The following CAMTA1 variants were observed in gnomAD, a reference collection of about 807,000 sequenced individuals.
The protein encoded by CAMTA1 is calmodulin-binding transcription activator 1.
In CAMTA1, 27 loss-of-function variants were observed where a neutral mutation model predicts 170.9. The observed-to-expected ratio is 0.16, with a 90% confidence interval of 0.12 to 0.22. The LOEUF (loss-of-function observed/expected upper bound fraction) is 0.22, where lower values mean the gene tolerates loss of function less well. Ranked by LOEUF, CAMTA1 falls within the 10% of genes least tolerant of loss-of-function variation. CAMTA1 has a pLI of 1.00. For synonymous variants in CAMTA1, 833 were observed against 891.5 expected (o/e 0.93, Z 1.17); for missense variants, 1,619 against 2,217.2 (o/e 0.73, Z 5.42).
rs551973366 is a variant in CAMTA1, at chr1:6,786,366, A to G, written c.45+791A>G. On this transcript the variant is annotated intron_variant, in intron 1 of 22. Coordinates refer to ENST00000303635, the MANE Select transcript of CAMTA1 (RefSeq NM_015215.4). ...CCAGGAGGGTGGGGTCTCCGTTTCT[A>G]TGGCAAGTGAGGATCTCCACACTCC... Among the ~76,000 whole-genome samples the G allele has an allele frequency of 1.8e-4, 27 of 151,906 alleles. 1 individual carries two copies. In the South Asian group the frequency reaches 4.8e-3, roughly 27 times the overall value.
intron 5 of CAMTA1, among the ~76,000 whole-genome samples, chr1:7,253,527 G>A (rs534635125): frequency 1.3e-5 from 2 of 152,304 alleles, no homozygotes; most frequent in South Asian, 2.1e-4. Flanking sequence ...ACAGATGGGA[G>A]CCACACAATT....
intron 6 of CAMTA1, among the ~76,000 whole-genome samples, chr1:7,477,103 AG>A (rs1320831450): frequency 6.6e-6 from 1 of 152,186 alleles, no homozygotes; most frequent in Admixed American, 6.5e-5. Context: ...GCGGTGCCCC[AG>A]GTAGGAGGAA....
intron 5 of CAMTA1, among the ~76,000 whole-genome samples, chr1:7,283,291 A>G (rs1046391882): frequency 1.3e-5 from 2 of 151,974 alleles, no homozygotes; most frequent in Non-Finnish European, 2.9e-5. Context: ...ATGTCCTTGC[A>G]TATGCTTTGT....
intron 6 of CAMTA1, among the ~76,000 whole-genome samples, chr1:7,553,860 G>T (rs1204346813): frequency 6.6e-6 from 1 of 152,170 alleles, no homozygotes; most frequent in Non-Finnish European, 1.5e-5. Context: ...ATGATGCAGG[G>T]GCGTGAAATC....
intron 3 of CAMTA1, among the ~76,000 whole-genome samples, chr1:6,893,470 CT>C (rs992942518): frequency 6.6e-6 from 1 of 152,150 alleles, no homozygotes; most frequent in African/African-American, 2.4e-5. Context: ...AGTTGTGATG[CT>C]TTTAGGAAGT....
At chr1:7,529,478 CATT>C (rs1275963776) in intron 6 of CAMTA1, among the ~76,000 whole-genome samples, 1 of 152,190 alleles carries the variant, frequency 6.6e-6, no homozygotes, top group Non-Finnish European at 1.5e-5. Flanking sequence ...AGGTAGAAAA[CATT>C]GTTGTCACAG....
At chr1:7,519,082 A>G (rs1175429145) in intron 6 of CAMTA1, among the ~76,000 whole-genome samples, 1 of 152,090 alleles carries the variant, frequency 6.6e-6, no homozygotes. Flanking sequence ...GAAAAGGAAG[A>G]AAAAATGTTA....
At position 7,331,922 on chromosome 1, in the gene CAMTA1, C is replaced by T. The variant is rs552798069; in HGVS notation, c.438+82296C>T. Among the ~76,000 whole-genome samples, 12 of 152,294 alleles carry T rather than the reference C, an allele frequency of 7.9e-5. No homozygotes were observed. In the South Asian group the frequency reaches 2.5e-3, roughly 32 times the overall value. ...CTTTGTATTTTGACAGCAGGAGGCCCATGACAAACTATTTGGGATTCAAGA... is the reference window on the plus strand; with the variant it reads ...CTTTGTATTTTGACAGCAGGAGGCCTATGACAAACTATTTGGGATTCAAGA... On this transcript the variant is annotated intron_variant, in intron 5 of 22. Transcript: ENST00000303635.
chr1:7,014,660 G>A lies in CAMTA1; in HGVS notation c.235-76644G>A, dbSNP rs149509799. ...CTGGAATTGTTTCTCATAACCCAAC[G>A]CTTGGCTTGGTTTCAAAAAGGAAGC... On this transcript the variant is annotated intron_variant, in intron 3 of 22. Coordinates refer to ENST00000303635, the MANE Select transcript of CAMTA1 (RefSeq NM_015215.4). The surrounding 1 kb of genome is among the most constrained non-coding windows in gnomAD (Gnocchi z 4.2). Among the ~76,000 whole-genome samples the A allele has an allele frequency of 6.4e-4, 98 of 152,256 alleles. No homozygotes were observed. Among genetic ancestry groups the A allele is most frequent in the Admixed American group, 4.1e-3 (62 of 15,296 alleles).
chr1:7,680,890 G>A lies in CAMTA1; in HGVS notation c.2914+3157G>A, dbSNP rs1030736310. ...CAGCAGCAGCAGCAGCAGCTGCTGC[G>A]GCGAAGTCTTTGTCCCCGCGGCGCA... On this transcript the variant is annotated intron_variant, in intron 11 of 22. Coordinates refer to ENST00000303635, the MANE Select transcript of CAMTA1 (RefSeq NM_015215.4). The surrounding 1 kb of genome is among the most constrained non-coding windows in gnomAD (Gnocchi z 4.4). Among the ~76,000 whole-genome samples the A allele has an allele frequency of 1.6e-4, 20 of 123,712 alleles. 1 individual carries two copies. Among genetic ancestry groups the A allele is most frequent in the South Asian group, 4.9e-4 (2 of 4,088 alleles). The allele number at this position is 123,712 out of a possible 152,430, so 81.2% of individuals were successfully genotyped here. A position where few individuals can be genotyped will look rare whatever the true frequency, so the allele number is the denominator to read the frequency against.
At chr1:7,075,428 A>G (rs895594346) in intron 3 of CAMTA1, among the ~76,000 whole-genome samples, 2 of 152,120 alleles carry the variant, frequency 1.3e-5, no homozygotes, top group African/African-American at 4.8e-5. Context: ...AACAATACCA[A>G]TTTCCACTTT....
intron 6 of CAMTA1, among the ~76,000 whole-genome samples, chr1:7,619,537 A>T (rs1316313332): frequency 6.6e-6 from 1 of 152,240 alleles, no homozygotes; most frequent in Non-Finnish European, 1.5e-5. Context: ...ATTGGGTCAC[A>T]TACCCATTCC....
chr1:7,190,418 C>G (rs1442953811), intron 4 of CAMTA1, among the ~76,000 whole-genome samples: 1 of 152,052 alleles, frequency 6.6e-6, no homozygotes, highest in African/African-American at 2.4e-5. Flanking sequence ...TAATGATGTA[C>G]TATATGTAAA....
At chr1:7,590,938 G>A (rs2095350919) in intron 6 of CAMTA1, among the ~76,000 whole-genome samples, 2 of 152,066 alleles carry the variant, frequency 1.3e-5, no homozygotes, top group African/African-American at 2.4e-5. Flanking sequence ...TGTTTTTATC[G>A]TCATATATAC....
intron 3 of CAMTA1, among the ~76,000 whole-genome samples, chr1:6,959,588 TAA>T (rs1280450337): frequency 1.3e-5 from 2 of 152,182 alleles, no homozygotes; most frequent in African/African-American, 4.8e-5. Flanking sequence ...AGATGAGGCA[TAA>T]AGTCAGGTGC....
In CAMTA1 at chr1:7,569,939, G is replaced by A. The variant is rs74055143; in HGVS notation, c.511-70461G>A. Among the ~76,000 whole-genome samples, 1,396 of 152,310 alleles carry A rather than the reference G, an allele frequency of 9.2e-3. 19 individuals are homozygous for A. Among genetic ancestry groups the A allele is most frequent in the African/African-American group, 0.031 (1,300 of 41,562 alleles). ...CTTAGTCAGGAAACACCCAGGAAGT[G>A]AGTTTTCCCATAAGCTAACTGCCCT... is the stretch of plus-strand genomic sequence containing the variant. On this transcript the variant is annotated intron_variant, in intron 6 of 22. Transcript: ENST00000303635.
chr1:7,347,230 C>T (rs992491359), intron 5 of CAMTA1, among the ~76,000 whole-genome samples: 9 of 152,188 alleles, frequency 5.9e-5, no homozygotes, highest in East Asian at 1.9e-4. Context: ...GTCCCCACTT[C>T]GTCTTTCCAC....
rs569933974 is a variant in CAMTA1, at chr1:7,640,368, C to T, written c.511-32C>T. 51 of 1,611,524 alleles carry T rather than the reference C, an allele frequency of 3.2e-5. No individual in the cohort carries two copies. In the Middle Eastern group the frequency reaches 6.3e-3, roughly 198 times the overall value. ...CTGACCCTGGTGGGCTCCATGCCAC[C>T]CTCATGCTGCCAGTCTCTGCTCTCC... On this transcript the variant is annotated intron_variant, in intron 6 of 22. Coordinates refer to ENST00000303635, the MANE Select transcript of CAMTA1 (RefSeq NM_015215.4).
At chr1:7,177,033 C>G (rs1031077678) in intron 4 of CAMTA1, among the ~76,000 whole-genome samples, 4 of 152,050 alleles carry the variant, frequency 2.6e-5, no homozygotes, top group African/African-American at 7.3e-5. Flanking sequence ...GGCAATAGAC[C>G]ATGCCCCCTC....
Sources: gnomAD v4.1 joint callset for allele counts (sites outside exome capture counted in the v4.1 genomes callset) on GRCh38, gnomAD v4.1.1 for gene constraint, Gnocchi (gnomAD v3.1) non-coding constraint, MANE v1.5 for transcripts, NCBI Gene and HGNC (gene_info 2026-07-23, HGNC 2026-07-21) for gene names.